GRAMD4: variants seen among roughly 807,000 people sequenced by gnomAD.
The protein encoded by GRAMD4 is GRAM domain-containing protein 4.
In GRAMD4, 25 loss-of-function variants were observed where a neutral mutation model predicts 83.9. That is an observed-to-expected ratio of 0.30 (90% confidence interval 0.22 to 0.42). The LOEUF is 0.42. GRAMD4 is among the 10% of genes least tolerant of loss of function. The pLI is 1.00. For synonymous variants in GRAMD4, 336 were observed against 320.9 expected (o/e 1.05, Z -0.50); for missense variants, 593 against 788.7 (o/e 0.75, Z 2.97).
Position 46,665,992 on chromosome 22 carries a change from C to T in GRAMD4, c.809+286C>T, listed in dbSNP as rs375395704. On this transcript the variant is annotated intron_variant, in intron 9 of 18. Coordinates refer to ENST00000406902, the MANE Select transcript of GRAMD4 (RefSeq NM_015124.5). ...TGCCCGAACATCGCAGGGGGCTTCT[C>T]CCCAACATCAGTGGGTAGGTGGGTG... Among the ~76,000 whole-genome samples, 144 of 152,348 alleles carry T rather than the reference C, an allele frequency of 9.5e-4. 1 individual carries two copies. The South Asian group carries it at 0.011, about 11-fold the overall frequency.
At chr22:46,581,454 G>A (rs939849535) in intron 1 of GRAMD4, among the ~76,000 whole-genome samples, 1 of 152,234 alleles carries the variant, frequency 6.6e-6, no homozygotes, top group Non-Finnish European at 1.5e-5. Context: ...GGGTGGCTTT[G>A]CCCCCAAGGC....
chr22:46,630,784 G>A (rs907773597), intron 2 of GRAMD4, among the ~76,000 whole-genome samples: 3 of 152,242 alleles, frequency 2.0e-5, no homozygotes, highest in Non-Finnish European at 4.4e-5. Flanking sequence ...GCCCATGTGG[G>A]CTGCGGCACT....
At chr22:46,619,414 G>A (rs2081543639), upstream of GRAMD4, among the ~76,000 whole-genome samples, 2 of 152,084 alleles carry the variant, frequency 1.3e-5, no homozygotes, top group African/African-American at 4.8e-5. Context: ...GTGGTTCACC[G>A]CAGCCTCAAA....
upstream of GRAMD4, among the ~76,000 whole-genome samples, chr22:46,616,860 AGGTT>A (rs1569263218): frequency 4.2e-4 from 5 of 11,876 alleles, no homozygotes; most frequent in Non-Finnish European, 3.2e-4. Flanking sequence ...CCCTGTGTGT[AGGTT>A]CCCCCGTGTG....
chr22:46,671,794 A>G (rs1377625719), intron 13 of GRAMD4, among the ~76,000 whole-genome samples: 1 of 152,092 alleles, frequency 6.6e-6, no homozygotes, highest in African/African-American at 2.4e-5. Context: ...AGATCAAGCC[A>G]TTGCACTCCA....
chr22:46,580,375 C>T (rs970016642), intron 1 of GRAMD4, among the ~76,000 whole-genome samples: 9 of 152,228 alleles, frequency 5.9e-5, no homozygotes, highest in African/African-American at 1.7e-4. Context: ...TTTAGATCTG[C>T]CTTTTCTTTG....
intron 2 of GRAMD4, among the ~76,000 whole-genome samples, chr22:46,631,018 C>T (rs2081766771): frequency 6.6e-6 from 1 of 152,252 alleles, no homozygotes; most frequent in African/African-American, 2.4e-5. Context: ...ACGCTGTTCT[C>T]AGGCTTCTCT....
In GRAMD4 at chr22:46,626,803, C is replaced by T; in HGVS notation, c.4C>T (p.Leu2=). The change falls in exon 2 of 19, where the codon CTA becomes TTA. Residue 2 remains leucine (L), a synonymous_variant. Transcript: ENST00000406902. M[L]RRLDKIRFRG... Reference sequence around the variant, plus strand: ...GCAGAGGACCTCAGTGCTGAACATGCTAAGGAGGTTGGACAAAATCAGGTT... The same window carrying T: ...GCAGAGGACCTCAGTGCTGAACATGTTAAGGAGGTTGGACAAAATCAGGTT... 6.2e-7 allele frequency: 1 copy of T among 1,613,808 alleles called. No individual in the cohort carries two copies. The highest frequency in any genetic ancestry group is 8.5e-7 in the Non-Finnish European group (1 of 1,179,738).
chr22:46,652,857 G>A (rs910182009), intron 3 of GRAMD4, among the ~76,000 whole-genome samples: 1 of 152,228 alleles, frequency 6.6e-6, no homozygotes, highest in Non-Finnish European at 1.5e-5. Flanking sequence ...AAAAATTGAT[G>A]ATGGGGGATT....
intron 1 of GRAMD4, among the ~76,000 whole-genome samples, chr22:46,594,996 C>T (rs112307802): frequency 9.9e-5 from 15 of 152,260 alleles, no homozygotes; most frequent in East Asian, 1.9e-4. Flanking sequence ...GCTCTGAGTG[C>T]GGTGCCCAGT....
intron 1 of GRAMD4, among the ~76,000 whole-genome samples, chr22:46,599,106 T>A (rs1235088403): frequency 6.6e-6 from 1 of 152,070 alleles, no homozygotes; most frequent in Non-Finnish European, 1.5e-5. Context: ...CCCAAGTCCT[T>A]GACAGAACCC....
intron 8 of GRAMD4, among the ~76,000 whole-genome samples, chr22:46,665,329 C>T (rs1294156181): frequency 2.0e-5 from 3 of 152,228 alleles, no homozygotes; most frequent in Non-Finnish European, 1.5e-5. Context: ...GCGTGGGAGC[C>T]ACACCGGGGC....
chr22:46,612,952 G>C, intron 1 of GRAMD4, among the ~76,000 whole-genome samples: 1 of 152,186 alleles, frequency 6.6e-6, no homozygotes, highest in East Asian at 1.9e-4. Context: ...GGCCCTTCCT[G>C]CCCCACCCGT....
chr22:46,590,668 G>A (rs1259611570), intron 1 of GRAMD4, among the ~76,000 whole-genome samples: 1 of 152,242 alleles, frequency 6.6e-6, no homozygotes, highest in Non-Finnish European at 1.5e-5. Flanking sequence ...TCCCGCCAGG[G>A]CGTGCTTGGG....
chr22:46,662,451 G>A (rs76609371), intron 5 of GRAMD4, among the ~76,000 whole-genome samples: 1,896 of 152,380 alleles, frequency 0.012, 16 homozygotes, highest in Non-Finnish European at 0.017. Context: ...GTTTCCCGCC[G>A]TGGAGGCTGC....
downstream of GRAMD4, among the ~76,000 whole-genome samples, chr22:46,680,564 GTCCATCCA>G (rs1299438133): frequency 0.015 from 328 of 22,488 alleles, 89 homozygotes; most frequent in Middle Eastern, 0.021. Flanking sequence ...CCGTCCGTCC[GTCCATCCA>G]TCCATCCATC....
At chr22:46,599,626 T>C (rs911132032) in intron 1 of GRAMD4, among the ~76,000 whole-genome samples, 1 of 152,196 alleles carries the variant, frequency 6.6e-6, no homozygotes, top group African/African-American at 2.4e-5. Flanking sequence ...CATGCCCAGC[T>C]GATACTTAAG....
rs150440566 is a variant in GRAMD4, at chr22:46,626,992, G to T, written c.162+31G>T. The T allele has an allele frequency of 2.1e-4, 323 of 1,526,120 alleles. 1 individual carries two copies. The African/African-American group carries it at 3.8e-3, about 18-fold the overall frequency. 94.5% of individuals were successfully genotyped at this position (1,526,120 alleles called of 1,614,324 possible). A position where few individuals can be genotyped will look rare whatever the true frequency, so the allele number is the denominator to read the frequency against. ...TACCTGTCCTCGTCCCCCGGTGTGG[G>T]CTGGGGTGTCGTCCCCGTCCTCTGT... On this transcript the variant is annotated intron_variant, in intron 2 of 18. Transcript: ENST00000406902.
chr22:46,615,954 G>A (rs1455146648), upstream of GRAMD4, among the ~76,000 whole-genome samples: 3 of 137,152 alleles, frequency 2.2e-5, no homozygotes, highest in Admixed American at 1.5e-4. Context: ...TCCCCCATGT[G>A]TAAGTTCCCC....
Sources: allele counts gnomAD v4.1 joint callset (sites outside exome capture counted in the v4.1 genomes callset), GRCh38; gene constraint gnomAD v4.1.1; transcripts MANE v1.5; gene names NCBI Gene and HGNC (gene_info 2026-07-23, HGNC 2026-07-21).